The following AKAP6 variants were observed in gnomAD, a reference collection of about 807,000 sequenced individuals.
AKAP6 encodes the protein A-kinase anchoring protein 6.
In AKAP6, 58 loss-of-function variants were observed where a neutral mutation model predicts 188.5. The ratio of observed to expected loss-of-function variants is 0.31; its 90% confidence interval spans 0.25 to 0.38. AKAP6 has a LOEUF of 0.38. Ranked by LOEUF, AKAP6 falls within the 10% of genes least tolerant of loss-of-function variation. The probability of loss-of-function intolerance (pLI) is 1.00; values close to 1 mark genes in which losing one functional copy is unlikely to be tolerated. For synonymous variants in AKAP6, 989 were observed against 998.6 expected, an observed-to-expected ratio of 0.99 and a Z score of 0.18; for missense variants, 2,710 against 2,740.0, an observed-to-expected ratio of 0.99 and a Z score of 0.24.
rs779867395 is a variant in AKAP6 at position 32,615,591 on chromosome 14, C to CTTTTTTTTTTTTTTTTTTTTTTT, written c.2730+14821_2730+14822insTTTTTTTTTTTTTTTTTTTTTTT. 1.2e-4 allele frequency among the ~76,000 whole-genome samples: 14 copies of CTTTTTTTTTTTTTTTTTTTTTTT among 115,264 alleles called. 2 individuals carry two copies. Among genetic ancestry groups the CTTTTTTTTTTTTTTTTTTTTTTT allele is most frequent in the African/African-American group, 5.4e-4 (14 of 26,052 alleles). 75.6% of individuals were successfully genotyped at this position (115,264 alleles called of 152,430 possible). A position where few individuals can be genotyped will look rare whatever the true frequency, so the allele number is the denominator to read the frequency against. Reference sequence around the variant, plus strand: ...TGTTTCCCCCAATGCTAAACCATTACTTTTTTTTTTTTTTTTTTTTTTGAG... The same window carrying CTTTTTTTTTTTTTTTTTTTTTTT: ...TGTTTCCCCCAATGCTAAACCATTACTTTTTTTTTTTTTTTTTTTTTTTTTTTTTTTTTTTTTTTTTTTTTGAG... On this transcript the variant is annotated intron_variant, in intron 7 of 13. Coordinates refer to ENST00000280979, the MANE Select transcript of AKAP6 (RefSeq NM_004274.5).
intron 7 of AKAP6, among the ~76,000 whole-genome samples, chr14:32,617,251 A>G (rs1049405983): frequency 6.6e-6 from 1 of 151,344 alleles, no homozygotes; most frequent in Admixed American, 6.6e-5. Context: ...TTTTGTTGCT[A>G]TGCTCTTCTT....
At chr14:32,829,470 A>T (rs111354227) in intron 13 of AKAP6, among the ~76,000 whole-genome samples, 3 of 152,362 alleles carry the variant, frequency 2.0e-5, no homozygotes, top group African/African-American at 7.2e-5. Context: ...TTGCCGCATC[A>T]CTTGGCATCA....
intron 3 of AKAP6, among the ~76,000 whole-genome samples, chr14:32,541,482 G>T (rs1162246761): frequency 6.6e-6 from 1 of 152,064 alleles, no homozygotes; most frequent in African/African-American, 2.4e-5. Flanking sequence ...TTCCCTGCTT[G>T]TCCAAAGGCA....
chr14:32,782,113 C>T (rs139161105), intron 12 of AKAP6, among the ~76,000 whole-genome samples: 4 of 136,454 alleles, frequency 2.9e-5, no homozygotes, highest in Non-Finnish European at 4.6e-5. Context: ...TGCAGTGAGC[C>T]GAGATCACGC....
chr14:32,770,376 G>T (rs1374488577), intron 11 of AKAP6, among the ~76,000 whole-genome samples: 2 of 152,058 alleles, frequency 1.3e-5, no homozygotes, highest in Admixed American at 6.6e-5. Flanking sequence ...ATTGATAGTT[G>T]TGTTTTTCTT....
In AKAP6 at chr14:32,823,469, A is replaced by G; in HGVS notation, c.5656A>G (p.Asn1886Asp). ...RENKKTIFKV[N>D]KDPYVADMEN... ...AAATAAGAAAACTATTTTCAAAGTT[A>G]ATAAAGATCCATATGTGGCTGACAT... The change falls in exon 13 of 14, where the codon AAT (asparagine) becomes GAT (aspartate). Residue 1886 changes from asparagine to aspartate, a missense_variant. Asn to Asp is a conservative substitution (Grantham distance 23). Transcript: ENST00000280979. 1 of 1,613,572 alleles carries G rather than the reference A, an allele frequency of 6.2e-7. No homozygotes were observed. The highest frequency in any genetic ancestry group is 8.5e-7 in the Non-Finnish European group (1 of 1,179,874).
chr14:32,447,283 C>A (rs1890786723), intron 2 of AKAP6, among the ~76,000 whole-genome samples: 1 of 152,122 alleles, frequency 6.6e-6, no homozygotes, highest in Admixed American at 6.5e-5. Flanking sequence ...AAGCTAAGAG[C>A]TTTTTAAGGG....
intron 7 of AKAP6, among the ~76,000 whole-genome samples, chr14:32,634,485 T>G (rs1216916510): frequency 6.6e-6 from 1 of 152,104 alleles, no homozygotes; most frequent in Non-Finnish European, 1.5e-5. Flanking sequence ...TTCTCATTGT[T>G]GTTTCCTGTG....
chr14:32,591,888 G>A (rs1273800530), intron 5 of AKAP6, among the ~76,000 whole-genome samples: 1 of 152,040 alleles, frequency 6.6e-6, no homozygotes, highest in African/African-American at 2.4e-5. Context: ...TTAATTATGT[G>A]GTAAGTACCA....
At chr14:32,341,122 C>T (rs2138413900) in intron 1 of AKAP6, among the ~76,000 whole-genome samples, 1 of 152,326 alleles carries the variant, frequency 6.6e-6, no homozygotes, top group East Asian at 1.9e-4. Context: ...CTTAAACTAA[C>T]AAGCTATTAT....
intron 7 of AKAP6, among the ~76,000 whole-genome samples, chr14:32,643,800 T>C (rs1186302024): frequency 6.6e-6 from 1 of 152,180 alleles, no homozygotes; most frequent in Non-Finnish European, 1.5e-5. Flanking sequence ...AATGGACATG[T>C]GAACTGTACT....
intron 9 of AKAP6, among the ~76,000 whole-genome samples, chr14:32,718,036 C>A (rs1051166811): frequency 6.6e-6 from 1 of 152,080 alleles, no homozygotes; most frequent in Non-Finnish European, 1.5e-5. Context: ...TAGGGCCCAC[C>A]AATTTCTTCA....
At chr14:32,419,909 A>AG (rs1479932614) in intron 1 of AKAP6, among the ~76,000 whole-genome samples, 1 of 152,078 alleles carries the variant, frequency 6.6e-6, no homozygotes, top group African/African-American at 2.4e-5. Context: ...CAAAAACAAA[A>AG]GAAAAAAAAC....
intron 7 of AKAP6, among the ~76,000 whole-genome samples, chr14:32,619,009 A>G (rs1304338): frequency 0.14 from 20,579 of 150,634 alleles, 2,408 homozygotes; most frequent in East Asian, 0.53. Flanking sequence ...CATATTATTT[A>G]CCTACTTTTT....
intron 2 of AKAP6, among the ~76,000 whole-genome samples, chr14:32,530,302 C>T (rs1017439046): frequency 6.6e-6 from 1 of 152,178 alleles, no homozygotes; most frequent in Admixed American, 6.5e-5. Context: ...GCTGGGATTA[C>T]AGGCATGAGC....
intron 2 of AKAP6, among the ~76,000 whole-genome samples, chr14:32,453,620 G>T (rs1319257348): frequency 3.3e-5 from 2 of 61,190 alleles, no homozygotes; most frequent in Admixed American, 3.1e-4. Flanking sequence ...TTTTTGAGAC[G>T]GAGTCTCGTT....
intron 7 of AKAP6, among the ~76,000 whole-genome samples, chr14:32,603,828 A>G (rs973897308): frequency 6.6e-6 from 1 of 152,206 alleles, no homozygotes; most frequent in Non-Finnish European, 1.5e-5. Flanking sequence ...AATTGGAAAT[A>G]CTGGAGGATA....
intron 2 of AKAP6, among the ~76,000 whole-genome samples, chr14:32,472,247 A>G (rs949944805): frequency 6.6e-6 from 1 of 152,090 alleles, no homozygotes; most frequent in Non-Finnish European, 1.5e-5. Flanking sequence ...TTTAGCAGAC[A>G]TGGGATGTGG....
In AKAP6 at chr14:32,821,783, C is replaced by T. The variant is rs970266145; in HGVS notation, c.3970C>T (p.Leu1324Phe). The T allele has an allele frequency of 1.2e-6, 2 of 1,613,752 alleles. No individual in the cohort carries two copies. The highest frequency in any genetic ancestry group is 1.7e-4 in the Middle Eastern group (1 of 6,058). Reference protein sequence around the residue: ...MTQPNVLTKSLSKDSSFSSTK... With the variant: ...MTQPNVLTKSFSKDSSFSSTK... ...ACAGCCTAATGTTTTAACTAAGAGT[C>T]TCAGTAAAGACTCTTCATTTTCATC... Residue 1324 changes from leucine to phenylalanine, a missense_variant, in exon 13 of 14, where the codon CTC becomes TTC. Leu to Phe is a conservative substitution (Grantham distance 22). Transcript: ENST00000280979.
Sources: gnomAD v4.1 joint callset for allele counts (sites outside exome capture counted in the v4.1 genomes callset) on GRCh38, gnomAD v4.1.1 for gene constraint, MANE v1.5 for transcripts, NCBI Gene and HGNC (gene_info 2026-07-23, HGNC 2026-07-21) for gene names.